The following SHLD1 variants were observed in gnomAD, a reference collection of about 807,000 sequenced individuals.
The protein encoded by SHLD1 is RINN1-REV7-interacting novel NHEJ regulator 3.
A neutral mutation model predicts 5.5 loss-of-function variants in SHLD1; 3 were observed. That is an observed-to-expected ratio of 0.54 (90% CI 0.25 to 1.40). The LOEUF (loss-of-function observed/expected upper bound fraction) is 1.40, where lower values mean the gene tolerates loss of function less well. Ranked by LOEUF, SHLD1 falls within the 40% of genes most tolerant of loss-of-function variation. The probability of loss-of-function intolerance (pLI) is 0.15; values close to 1 mark genes in which losing one functional copy is unlikely to be tolerated. For synonymous variants in SHLD1, 92 were observed against 94.3 expected, an observed-to-expected ratio of 0.98 and a Z score of 0.14; for missense variants, 210 against 244.4, an observed-to-expected ratio of 0.86 and a Z score of 0.94.
chr20:5,851,750 G>A (rs992726289), intron 2 of SHLD1, among the ~76,000 whole-genome samples: 3 of 151,916 alleles, frequency 2.0e-5, no homozygotes, highest in Non-Finnish European at 4.4e-5. Context: ...TCGTTTGGAT[G>A]TCTGTCCCGT....
At chr20:5,784,944 A>C (rs982074214) in intron 2 of SHLD1, among the ~76,000 whole-genome samples, 1 of 152,194 alleles carries the variant, frequency 6.6e-6, no homozygotes, top group Non-Finnish European at 1.5e-5. Context: ...GTCTCAAGCC[A>C]CACCTCCGGG....
At chr20:5,836,505 C>T (rs546588518) in intron 2 of SHLD1, among the ~76,000 whole-genome samples, 3 of 152,366 alleles carry the variant, frequency 2.0e-5, no homozygotes, top group South Asian at 2.1e-4. Context: ...GCTCTAGCCA[C>T]AGTGGCCTCT....
At chr20:5,852,133 C>T (rs773247532) in intron 2 of SHLD1, among the ~76,000 whole-genome samples, 3 of 152,180 alleles carry the variant, frequency 2.0e-5, no homozygotes, top group Admixed American at 2.0e-4. Context: ...CATGCTTGTA[C>T]AGCCTGCAGA....
intron 1 of SHLD1, among the ~76,000 whole-genome samples, chr20:5,765,439 G>A (rs1253143388): frequency 6.6e-6 from 1 of 151,808 alleles, no homozygotes; most frequent in Non-Finnish European, 1.5e-5. Flanking sequence ...AGTAGAGACG[G>A]GGGTTTCACC....
At chr20:5,848,732 TA>T (rs1190427127) in intron 2 of SHLD1, among the ~76,000 whole-genome samples, 1 of 152,250 alleles carries the variant, frequency 6.6e-6, no homozygotes, top group Admixed American at 6.5e-5. Context: ...TTGGTCTTAT[TA>T]AATTGCCCTG....
At chr20:5,833,161 T>C (rs1457952799) in intron 2 of SHLD1, among the ~76,000 whole-genome samples, 1 of 152,224 alleles carries the variant, frequency 6.6e-6, no homozygotes, top group African/African-American at 2.4e-5. Context: ...AATAGACTCC[T>C]CGGCTTCTCT....
intron 2 of SHLD1, among the ~76,000 whole-genome samples, chr20:5,830,268 A>G (rs953717825): frequency 1.3e-5 from 2 of 152,250 alleles, no homozygotes; most frequent in African/African-American, 4.8e-5. Flanking sequence ...CACATCACGG[A>G]ATACTATTCA....
intron 2 of SHLD1, among the ~76,000 whole-genome samples, chr20:5,776,543 G>A (rs934465597): frequency 1.5e-4 from 23 of 152,072 alleles, no homozygotes; most frequent in African/African-American, 5.3e-4. Flanking sequence ...CGGGTGCATC[G>A]CCTGAGGTCA....
At chr20:5,860,777 C>T (rs370530430) in intron 2 of SHLD1, among the ~76,000 whole-genome samples, 1 of 151,474 alleles carries the variant, frequency 6.6e-6, no homozygotes, top group East Asian at 1.9e-4. Flanking sequence ...CCCCTTCCAC[C>T]CATCCTGGAG....
chr20:5,815,214 T>G (rs1377788234), intron 2 of SHLD1, among the ~76,000 whole-genome samples: 1 of 152,158 alleles, frequency 6.6e-6, no homozygotes, highest in Admixed American at 6.5e-5. Context: ...CAACTGCAAG[T>G]TTTAATGATC....
chr20:5,835,050 C>G (rs994104758), intron 2 of SHLD1, among the ~76,000 whole-genome samples: 1 of 152,126 alleles, frequency 6.6e-6, no homozygotes, highest in Non-Finnish European at 1.5e-5. Flanking sequence ...AGCAGGCTAC[C>G]CTTCTCAAAC....
chr20:5,756,999 A>G (rs1335211227), intron 1 of SHLD1, among the ~76,000 whole-genome samples: 1 of 151,818 alleles, frequency 6.6e-6, no homozygotes, highest in Non-Finnish European at 1.5e-5. Flanking sequence ...TCTTTGAGGG[A>G]AAAGCATTCA....
chr20:5,756,893 C>G, intron 1 of SHLD1: 1 of 173,726 alleles, frequency 5.8e-6, no homozygotes, highest in Middle Eastern at 5.0e-4. Flanking sequence ...TGTTCCCTCT[C>G]CAATCTGAAT....
At chr20:5,795,825 CA>C (rs796572753) in intron 2 of SHLD1, among the ~76,000 whole-genome samples, 7 of 145,680 alleles carry the variant, frequency 4.8e-5, no homozygotes, top group Non-Finnish European at 4.6e-5. Context: ...ACTAAAAATA[CA>C]AAAAAAAAAT....
At position 5,863,282 on chromosome 20, in the gene SHLD1, A is replaced by T. The variant is rs912796025; in HGVS notation, c.437A>T (p.Gln146Leu). The part of the protein sequence containing the change: ...ESQKYALRSF[Q>L]MARVIFNRDG... ...CAAAAGTATGCCCTCCGCAGTTTTC[A>T]AATGGCCCGGGTGATCTTCAACCGG... Residue 146 changes from glutamine to leucine, a missense_variant, in exon 3 of 3, where the codon CAA (glutamine) becomes CTA (leucine). By Grantham distance (113) the Gln-to-Leu change is moderately radical. Transcript: ENST00000303142. The T allele has an allele frequency of 1.2e-6, 2 of 1,614,084 alleles. No homozygotes were observed. Among genetic ancestry groups the T allele is most frequent in the East Asian group, 2.2e-5 (1 of 44,898 alleles).
At chr20:5,827,344 C>T (rs1361431069) in intron 2 of SHLD1, among the ~76,000 whole-genome samples, 6 of 152,192 alleles carry the variant, frequency 3.9e-5, no homozygotes, top group Non-Finnish European at 8.8e-5. Context: ...GCTCCCAACC[C>T]GAAGCTGGAG....
At chr20:5,845,097 C>T (rs1419339006) in intron 2 of SHLD1, among the ~76,000 whole-genome samples, 1 of 152,058 alleles carries the variant, frequency 6.6e-6, no homozygotes, top group African/African-American at 2.4e-5. Context: ...CGTGCCCAGC[C>T]AGACATATAT....
chr20:5,842,976 A>C (rs1033930916), intron 2 of SHLD1, among the ~76,000 whole-genome samples: 1 of 152,204 alleles, frequency 6.6e-6, no homozygotes, highest in African/African-American at 2.4e-5. Flanking sequence ...GATTGTGTTA[A>C]CGCCAATATC....
intron 2 of SHLD1, among the ~76,000 whole-genome samples, chr20:5,840,157 T>C (rs1376991485): frequency 2.0e-5 from 3 of 152,262 alleles, no homozygotes; most frequent in Non-Finnish European, 4.4e-5. Context: ...GCATGCTTTA[T>C]TAGTCTTTGG....
Sources: allele counts gnomAD v4.1 joint callset (sites outside exome capture counted in the v4.1 genomes callset), GRCh38; gene constraint gnomAD v4.1.1; transcripts MANE v1.5; gene names NCBI Gene and HGNC (gene_info 2026-07-23, HGNC 2026-07-21).